CCDC187: variants seen among roughly 807,000 people sequenced by gnomAD.
The protein encoded by CCDC187 is coiled-coil domain-containing protein 187.
Under a neutral mutation model 38.0 loss-of-function variants are expected in CCDC187, and 32 were observed. The ratio of observed to expected loss-of-function variants is 0.84; its 90% CI spans 0.64 to 1.13. CCDC187 has a LOEUF of 1.13. Among genes scored for constraint, CCDC187 ranks in the 50% most tolerant of loss-of-function variants. CCDC187 has a pLI of 0.00. For missense variants in CCDC187, 707 were observed against 786.8 expected, an observed-to-expected ratio of 0.90 and a Z score of 1.21; for synonymous variants, 333 against 347.9, an observed-to-expected ratio of 0.96 and a Z score of 0.48.
rs1830643807 is a variant in CCDC187 at position 136,258,589 on chromosome 9, C to T, written c.4366+343G>A. 8 of 652,054 alleles carry T rather than the reference C, an allele frequency of 1.2e-5. No individual in the cohort carries two copies. In the Admixed American group the frequency reaches 2.5e-4, roughly 21 times the overall value. The allele number at this position is 652,054 out of a possible 1,614,324, so 40.4% of individuals were successfully genotyped here. A position where few individuals can be genotyped will look rare whatever the true frequency, so the allele number is the denominator to read the frequency against. ...AGGTTCAGAAAGAGAAAAATGTAAT[C>T]GGTGCAGAAACCTCCGTCAGCTGAA... On this transcript the variant is annotated intron_variant, in intron 22 of 25. Transcript: ENST00000638797. The surrounding 1 kb of genome is among the most constrained non-coding windows in gnomAD (Gnocchi z 4.3).
chr9:136,288,671 A>G (rs1045152193), intron 7 of CCDC187, among the ~76,000 whole-genome samples: 2 of 152,198 alleles, frequency 1.3e-5, no homozygotes, highest in African/African-American at 4.8e-5. Context: ...AACTCCCCCA[A>G]GCAAAGTTGG....
intron 6 of CCDC187, among the ~76,000 whole-genome samples, chr9:136,290,268 A>ACCCTGCAGGCCCTGCAGG (rs1831285950): frequency 4.0e-5 from 6 of 149,196 alleles, no homozygotes; most frequent in South Asian, 2.1e-4. Flanking sequence ...CCCAGGTCTG[A>ACCCTGCAGGCCCTGCAGG]CCCTGCACCT....
intron 10 of CCDC187, among the ~76,000 whole-genome samples, chr9:136,280,195 C>T (rs1781407033): frequency 6.6e-6 from 1 of 152,264 alleles, no homozygotes; most frequent in Non-Finnish European, 1.5e-5. Flanking sequence ...CCTTGGCACT[C>T]ATGCCTCAGA....
rs967170727 is a variant in CCDC187 at position 136,287,909 on chromosome 9, C to T, written c.2223-1214G>A. Among the ~76,000 whole-genome samples the T allele has an allele frequency of 1.1e-4, 17 of 152,220 alleles. 1 individual carries two copies. The South Asian group carries it at 2.3e-3, about 20-fold the overall frequency. ...TAGGGTCTCACTATGTTGTCCAGGC[C>T]GGTCTCAAACTCCTGGCCTCAAGCA... On this transcript the variant is annotated intron_variant, in intron 7 of 25. Coordinates refer to ENST00000638797, the MANE Select transcript of CCDC187 (RefSeq NM_001378188.1).
At position 136,258,858 on chromosome 9, in the gene CCDC187, C is replaced by T. The variant is rs1201089639; in HGVS notation, c.4366+74G>A. On this transcript the variant is annotated intron_variant, in intron 22 of 25. Coordinates refer to ENST00000638797, the MANE Select transcript of CCDC187 (RefSeq NM_001378188.1). This position sits in a 1 kb window ranked among gnomAD's most constrained non-coding sequence, Gnocchi z 4.3. ...TTGTCCAGTGGCTGAGCTCCAGCCT[C>T]GGACAGGCTCTGCTGGATGTGGGGG... 4 of 985,402 alleles carry T rather than the reference C, an allele frequency of 4.1e-6. No individual in the cohort carries two copies. Among genetic ancestry groups the T allele is most frequent in the Admixed American group, 6.1e-5 (1 of 16,278 alleles). The allele number at this position is 985,402 out of a possible 1,614,324, so 61.0% of individuals were successfully genotyped here.
At chr9:136,306,055 G>A (rs986645666), upstream of CCDC187, among the ~76,000 whole-genome samples, 6 of 152,324 alleles carry the variant, frequency 3.9e-5, no homozygotes, top group South Asian at 2.1e-4. Context: ...GGAGACTCAC[G>A]CCTGCTGGGG....
chr9:136,292,870 C>A (rs1255082084), intron 4 of CCDC187, among the ~76,000 whole-genome samples: 1 of 152,222 alleles, frequency 6.6e-6, no homozygotes, highest in African/African-American at 2.4e-5. Context: ...GGCAGGGAGT[C>A]CCGGGCATCG....
chr9:136,291,101 G>C lies in CCDC187; in HGVS notation c.1512C>G (p.Ala504=). The C allele has an allele frequency of 5.0e-6, 2 of 398,576 alleles. No individual in the cohort carries two copies. The highest frequency in any genetic ancestry group is 8.8e-6 in the Non-Finnish European group (2 of 226,078). The allele number at this position is 398,576 out of a possible 1,614,324, so 24.7% of individuals were successfully genotyped here. ...LAGQACSPQR[A]WGAQRQGPSS... ...AGGGGCCCTGTCTTTGGGCCCCCCA[G>C]GCCCTCTGCGGACTGCAGGCCTGCC... Residue 504 remains alanine (A), a synonymous_variant, in exon 6 of 26, where the codon GCC becomes GCG. Transcript: ENST00000638797.
rs1396243281 is a variant in CCDC187 at position 136,250,879 on chromosome 9, A to C, written c.*2715T>G. The C allele has an allele frequency of 2.2e-6, 1 of 453,594 alleles. No individual in the cohort carries two copies. The highest frequency in any genetic ancestry group is 2.0e-5 in the African/African-American group (1 of 50,026). 28.1% of individuals were successfully genotyped at this position (453,594 alleles called of 1,614,324 possible). ...GCTCCCGGGCGAGGGGTGTCTGGAGAGGGGCTCTTGCCTCACGGCAGGGGG... is the reference window on the plus strand; with the variant it reads ...GCTCCCGGGCGAGGGGTGTCTGGAGCGGGGCTCTTGCCTCACGGCAGGGGG... On this transcript the variant is annotated 3_prime_UTR_variant, in exon 26 of 26. Coordinates refer to ENST00000638797, the MANE Select transcript of CCDC187 (RefSeq NM_001378188.1).
At position 136,300,246 on chromosome 9, in the gene CCDC187, G is replaced by C; in HGVS notation, c.698C>G (p.Ser233Cys). The C allele has an allele frequency of 2.5e-6, 1 of 398,698 alleles. No homozygotes were observed. The highest frequency in any genetic ancestry group is 4.4e-6 in the Non-Finnish European group (1 of 226,116). 24.7% of individuals were successfully genotyped at this position (398,698 alleles called of 1,614,324 possible). A position where few individuals can be genotyped will look rare whatever the true frequency, so the allele number is the denominator to read the frequency against. The change falls in exon 3 of 26, where the codon TCC becomes TGC. Residue 233 changes from serine to cysteine, a missense_variant. Ser to Cys is a moderately radical substitution (Grantham distance 112). Transcript: ENST00000638797. ...KASHGQGREL[S>C]RVSQHQVPVL... Reference sequence around the variant, plus strand: ...AGGAACCTGGTGCTGGGAGACCCTGGAGAGCTCGCGCCCCTGGCCGTGGGA... The same window carrying C: ...AGGAACCTGGTGCTGGGAGACCCTGCAGAGCTCGCGCCCCTGGCCGTGGGA...
chr9:136,279,132 T>C (rs1201535464), intron 10 of CCDC187, among the ~76,000 whole-genome samples: 1 of 152,020 alleles, frequency 6.6e-6, no homozygotes, highest in African/African-American at 2.4e-5. Flanking sequence ...CATGTTTAAA[T>C]CTAGAAGCTT....
rs1264616433 is a variant in CCDC187, at chr9:136,281,655, G to A, written c.2936C>T (p.Ala979Val). 1.5e-5 allele frequency: 6 copies of A among 398,644 alleles called. No individual in the cohort carries two copies. Among genetic ancestry groups the A allele is most frequent in the Non-Finnish European group, 2.2e-5 (5 of 226,054 alleles). The allele number at this position is 398,644 out of a possible 1,614,324, so 24.7% of individuals were successfully genotyped here. ...GATAGGGTGCAGCGTGGCTGGGCCC[G>A]CATATGAGCTGGAAGACACAGGCAC... ...ALSPSAGSSY[A>V]GPATLHPIWG... Residue 979 changes from alanine to valine, a missense_variant, in exon 10 of 26, where the codon GCG (alanine) becomes GTG (valine). Transcript: ENST00000638797.
Position 136,256,330 on chromosome 9 carries a change from A to G in CCDC187, c.4504-7T>C. 4.1e-6 allele frequency: 4 copies of G among 983,900 alleles called. No individual in the cohort carries two copies. Among genetic ancestry groups the G allele is most frequent in the Non-Finnish European group, 3.6e-6 (3 of 828,570 alleles). 60.9% of individuals were successfully genotyped at this position (983,900 alleles called of 1,614,324 possible). A position where few individuals can be genotyped will look rare whatever the true frequency, so the allele number is the denominator to read the frequency against. The stretch of plus-strand genomic sequence containing the variant: ...TGCTGTCCTCAGCCACCTGCTGGAG[A>G]GACGTTGCAGAAATGACACTGTTGG... On this transcript the variant is annotated splice_polypyrimidine_tract_variant and splice_region_variant and intron_variant, in intron 23 of 25. Coordinates refer to ENST00000638797, the MANE Select transcript of CCDC187 (RefSeq NM_001378188.1).
At chr9:136,298,339 C>A (rs1456251878) in intron 3 of CCDC187, among the ~76,000 whole-genome samples, 1 of 152,278 alleles carries the variant, frequency 6.6e-6, no homozygotes, top group African/African-American at 2.4e-5. Flanking sequence ...GGGGCCTTGG[C>A]ACCATGGAGT....
chr9:136,283,611 A>G (rs1029411143), intron 9 of CCDC187, among the ~76,000 whole-genome samples: 4 of 152,196 alleles, frequency 2.6e-5, no homozygotes, highest in Non-Finnish European at 5.9e-5. Context: ...TGGAGGGCAC[A>G]GTCCAGTGCC....
rs1318266387 is a variant in CCDC187 at position 136,250,929 on chromosome 9, G to A, written c.*2665C>T. The A allele has an allele frequency of 4.4e-6, 2 of 451,610 alleles. No homozygotes were observed. Among genetic ancestry groups the A allele is most frequent in the African/African-American group, 2.0e-5 (1 of 50,000 alleles). 28.0% of individuals were successfully genotyped at this position (451,610 alleles called of 1,614,324 possible). A position where few individuals can be genotyped will look rare whatever the true frequency, so the allele number is the denominator to read the frequency against. On this transcript the variant is annotated 3_prime_UTR_variant, in exon 26 of 26. Transcript: ENST00000638797. Reference sequence around the variant, plus strand: ...GCCCAAAGAGGTTCTAAGGGGCCTGGGGTCTCTCACCAGAGCTATGGGGTA... The same window carrying A: ...GCCCAAAGAGGTTCTAAGGGGCCTGAGGTCTCTCACCAGAGCTATGGGGTA...
At chr9:136,259,131 C>G (rs1203674266) in intron 21 of CCDC187, 130 bp from the exon 22 acceptor site, 5 of 749,776 alleles carry the variant, frequency 6.7e-6, no homozygotes, top group African/African-American at 5.7e-5. Flanking sequence ...CGGGGGCGGA[C>G]AGGGACAGAT....
intron 6 of CCDC187, among the ~76,000 whole-genome samples, 178 bp downstream of exon 6, chr9:136,290,308 C>T (rs1831288172): frequency 6.6e-6 from 1 of 152,148 alleles, no homozygotes; most frequent in Non-Finnish European, 1.5e-5. Context: ...GAGGCATCCA[C>T]AGAAGCTCTG....
At chr9:136,303,347 GCAGAGCCGCT>G in intron 1 of CCDC187, 54 bp from the exon 2 acceptor site, 1 of 395,014 alleles carries the variant, frequency 2.5e-6, no homozygotes, top group Non-Finnish European at 4.5e-6. Context: ...GAGGTGCCGA[GCAGAGCCGCT>G]CAGACTGGCC....
Sources: allele counts gnomAD v4.1 joint callset (sites outside exome capture counted in the v4.1 genomes callset), GRCh38; gene constraint gnomAD v4.1.1; non-coding constraint Gnocchi (gnomAD v3.1); transcripts MANE v1.5; gene names NCBI Gene and HGNC (gene_info 2026-07-23, HGNC 2026-07-21).